Variants in SH3D21 observed in about 807,000 individuals in gnomAD.
SH3D21 encodes the protein SH3 domain-containing protein 21.
SH3D21 carries 83 observed loss-of-function variants against 82.1 expected under a neutral mutation model. The ratio of observed to expected loss-of-function variants is 1.01; its 90% CI spans 0.85 to 1.21. The LOEUF (loss-of-function observed/expected upper bound fraction) is 1.21. SH3D21 is among the 50% of genes most tolerant of loss of function. The probability of loss-of-function intolerance (pLI) is 0.00; values close to 1 mark genes in which losing one functional copy is unlikely to be tolerated. For missense variants in SH3D21, 980 were observed against 962.1 expected, an observed-to-expected ratio of 1.02 and a Z score of -0.25; for synonymous variants, 383 against 387.8, an observed-to-expected ratio of 0.99 and a Z score of 0.15.
chr1:36,328,266 G>T, downstream of SH3D21: 1 of 398,462 alleles, frequency 2.5e-6, no homozygotes, highest in Admixed American at 2.7e-5. Context: ...GCAAACCCAA[G>T]CACAGCTCTG....
At chr1:36,312,914 A>G (rs1377448123) in intron 10 of SH3D21, among the ~76,000 whole-genome samples, 1 of 152,016 alleles carries the variant, frequency 6.6e-6, no homozygotes, top group Non-Finnish European at 1.5e-5. Context: ...GGGTTTCACC[A>G]TGTTGGCCAG....
downstream of SH3D21, chr1:36,323,144 C>T: frequency 1.6e-6 from 2 of 1,259,292 alleles, no homozygotes; most frequent in African/African-American, 3.1e-5. Flanking sequence ...GCTCCTCTCC[C>T]GGGAGCCGCG....
chr1:36,323,045 TG>T, downstream of SH3D21: 4 of 1,599,510 alleles, frequency 2.5e-6, no homozygotes, highest in Admixed American at 1.8e-5. Flanking sequence ...CATGCTGCTC[TG>T]GGGGGCAGCT....
rs1319573142 is a variant in SH3D21 at position 36,321,041 on chromosome 1, C to T, written c.2200-15C>T. ...AGTGGCCCCCTGACAAAGTCTCCAC[C>T]TCACTCCCGACCAGGTCCAGGTGAT... On this transcript the variant is annotated splice_polypyrimidine_tract_variant and intron_variant, in intron 15 of 15. Coordinates refer to ENST00000453908, the MANE Select transcript of SH3D21 (RefSeq NM_001162530.2). The surrounding 1 kb of genome is among the most constrained non-coding windows in gnomAD (Gnocchi z 6.1). The T allele has an allele frequency of 1.2e-6, 2 of 1,608,170 alleles. No homozygotes were observed. The highest frequency in any genetic ancestry group is 1.7e-6 in the Non-Finnish European group (2 of 1,177,772).
downstream of SH3D21, chr1:36,322,058 G>C: frequency 7.6e-7 from 1 of 1,321,102 alleles, no homozygotes; most frequent in African/African-American, 1.5e-5. Flanking sequence ...TCTTTCATTT[G>C]GTCACTTCAC....
At chr1:36,322,304 G>A (rs1311576386), downstream of SH3D21, 5 of 1,537,254 alleles carry the variant, frequency 3.3e-6, no homozygotes, top group Non-Finnish European at 3.5e-6. Flanking sequence ...ATCAGTAATA[G>A]TGCATGCGGC....
At chr1:36,322,756 G>A, downstream of SH3D21, 2 of 1,538,506 alleles carry the variant, frequency 1.3e-6, no homozygotes, top group African/African-American at 1.4e-5. Context: ...GTCACGGAGA[G>A]GCCCGGACGG....
In SH3D21 at chr1:36,306,390, C is replaced by T. The variant is rs1046483152; in HGVS notation, c.-31C>T. The T allele has an allele frequency of 2.8e-5, 36 of 1,305,298 alleles. No homozygotes were observed. Among genetic ancestry groups the T allele is most frequent in the Non-Finnish European group, 3.2e-5 (32 of 988,984 alleles). 80.9% of individuals were successfully genotyped at this position (1,305,298 alleles called of 1,614,324 possible). A position where few individuals can be genotyped will look rare whatever the true frequency, so the allele number is the denominator to read the frequency against. On this transcript the variant is annotated 5_prime_UTR_variant, in exon 1 of 16. Coordinates refer to ENST00000453908, the MANE Select transcript of SH3D21 (RefSeq NM_001162530.2). This position sits in a 1 kb window ranked among gnomAD's most constrained non-coding sequence, Gnocchi z 4.5. Reference sequence around the variant, plus strand: ...CCCAGTACTCGGCCGTCAGAGGGAGCTGCCAGGCTCTGGAGGGCGCCCCGG... The same window carrying T: ...CCCAGTACTCGGCCGTCAGAGGGAGTTGCCAGGCTCTGGAGGGCGCCCCGG...
downstream of SH3D21, among the ~76,000 whole-genome samples, chr1:36,325,963 C>G (rs375101521): frequency 6.6e-6 from 1 of 152,312 alleles, no homozygotes; most frequent in African/African-American, 2.4e-5. Flanking sequence ...CTTCTAAGTG[C>G]TGGGGGGCAT....
Position 36,308,130 on chromosome 1 carries a change from G to T in SH3D21, c.560G>T (p.Arg187Met), listed in dbSNP as rs1266449128. ...CCAGTCTCCCACCCTGAGGTCTACAGGGTCCTGTTTGACTACCAGCCTGAG... is the reference window on the plus strand; with the variant it reads ...CCAGTCTCCCACCCTGAGGTCTACATGGTCCTGTTTGACTACCAGCCTGAG... ...LQTVSHPEVY[R>M]VLFDYQPEAP... is the part of the protein sequence containing the mutation. Residue 187 changes from arginine (R) to methionine (M), a missense_variant, in exon 8 of 16, where the codon AGG (arginine) becomes ATG (methionine). Arg to Met is a moderately conservative substitution (Grantham distance 91). Transcript: ENST00000453908. The T allele has an allele frequency of 6.5e-7, 1 of 1,549,936 alleles. No homozygotes were observed.
chr1:36,307,574 A>G lies in SH3D21; in HGVS notation c.403A>G (p.Asn135Asp). ...KNGQLGAFPS[N>D]FVELLDSGPP... is the part of the protein sequence containing the mutation. ...CGGGCAGCTGGGAGCCTTCCCATCC[A>G]ACTTTGTGGAATTGCTGGACAGTGG... Residue 135 changes from asparagine to aspartate, a missense_variant, in exon 5 of 16, where the codon AAC (asparagine) becomes GAC (aspartate). Coordinates refer to ENST00000453908, the MANE Select transcript of SH3D21 (RefSeq NM_001162530.2). The surrounding 1 kb of genome is among the most constrained non-coding windows in gnomAD (Gnocchi z 5.4). 6.4e-7 allele frequency: 1 copy of G among 1,551,572 alleles called. No homozygotes were observed.
Position 36,307,120 on chromosome 1 carries a change from T to TGACTGGGGCGTCC in SH3D21, c.227-40_227-28dup, listed in dbSNP as rs1297177883. 9.0e-6 allele frequency: 14 copies of TGACTGGGGCGTCC among 1,548,820 alleles called. No individual in the cohort carries two copies. Among genetic ancestry groups the TGACTGGGGCGTCC allele is most frequent in the African/African-American group, 1.4e-5 (1 of 72,988 alleles). Reference sequence around the variant, plus strand: ...CGCCTTGCGCTTCCCCCAGCTCCTCTGACTGGGGCGTCCGACTGGAGCTCA... The same window carrying TGACTGGGGCGTCC: ...CGCCTTGCGCTTCCCCCAGCTCCTCTGACTGGGGCGTCCGACTGGGGCGTCCGACTGGAGCTCA... On this transcript the variant is annotated intron_variant, in intron 3 of 15. Transcript: ENST00000453908. The surrounding 1 kb of genome is among the most constrained non-coding windows in gnomAD (Gnocchi z 5.4).
At chr1:36,327,524 C>T (rs530189538), downstream of SH3D21, among the ~76,000 whole-genome samples, 1 of 152,204 alleles carries the variant, frequency 6.6e-6, no homozygotes, top group South Asian at 2.1e-4. Context: ...TTTCCATGCA[C>T]CTCTGTGCTA....
At chr1:36,308,562 G>A (rs780915578) in intron 9 of SH3D21, 87 bp downstream of exon 9, 4 of 1,087,526 alleles carry the variant, frequency 3.7e-6, no homozygotes, top group Non-Finnish European at 5.4e-6. Flanking sequence ...GGACCTAGCT[G>A]GAGGGTCACT....
intron 10 of SH3D21, among the ~76,000 whole-genome samples, chr1:36,310,848 C>T (rs1306486257): frequency 6.6e-6 from 1 of 152,028 alleles, no homozygotes; most frequent in Non-Finnish European, 1.5e-5. Flanking sequence ...TGTTTTTGAG[C>T]TTCATAAAAA....
chr1:36,314,285 C>T (rs948324142), intron 10 of SH3D21, among the ~76,000 whole-genome samples: 1 of 151,380 alleles, frequency 6.6e-6, no homozygotes, highest in African/African-American at 2.4e-5. Context: ...CGATGCTGAG[C>T]ATATTTTCAT....
chr1:36,308,114 C>A lies in SH3D21; in HGVS notation c.544C>A (p.His182Asn). The change falls in exon 8 of 16, where the codon CAC (histidine) becomes AAC (asparagine). Residue 182 changes from histidine to asparagine, a missense_variant. His to Asn is a moderately conservative substitution (Grantham distance 68). Coordinates refer to ENST00000453908, the MANE Select transcript of SH3D21 (RefSeq NM_001162530.2). ...GTGGACTGACCTCTTCCCAGTCTCCCACCCTGAGGTCTACAGGGTCCTGTT... is the reference window on the plus strand; with the variant it reads ...GTGGACTGACCTCTTCCCAGTCTCCAACCCTGAGGTCTACAGGGTCCTGTT... ...SPPDYLQTVS[H>N]PEVYRVLFDY... 6.5e-7 allele frequency: 1 copy of A among 1,547,690 alleles called. No individual in the cohort carries two copies. Among genetic ancestry groups the A allele is most frequent in the Admixed American group, 2.0e-5 (1 of 50,648 alleles).
chr1:36,312,039 T>A (rs957647655), intron 10 of SH3D21, among the ~76,000 whole-genome samples: 2 of 151,992 alleles, frequency 1.3e-5, no homozygotes, highest in African/African-American at 4.8e-5. Flanking sequence ...TTTAAATTTT[T>A]TTTGAGACAG....
downstream of SH3D21, chr1:36,321,941 G>C: frequency 8.9e-7 from 1 of 1,122,570 alleles, no homozygotes; most frequent in Non-Finnish European, 1.1e-6. The surrounding 1 kb of genome is among the most constrained non-coding windows in gnomAD (Gnocchi z 6.1). Flanking sequence ...CTAGGGTAAG[G>C]GAGTCAAGCT....
Sources: allele counts gnomAD v4.1 joint callset (sites outside exome capture counted in the v4.1 genomes callset), GRCh38; gene constraint gnomAD v4.1.1; non-coding constraint Gnocchi (gnomAD v3.1); transcripts MANE v1.5; gene names NCBI Gene and HGNC (gene_info 2026-07-23, HGNC 2026-07-21).